Variants in USP9X observed in about 807,000 individuals in gnomAD.
USP9X encodes ubiquitin carboxyl-terminal hydrolase 9X.
In USP9X, 7 loss-of-function variants were observed where a neutral mutation model predicts 190.3. The observed-to-expected ratio is 0.04, with a 90% confidence interval of 0.02 to 0.07. USP9X has a LOEUF of 0.07. USP9X is among the 10% of genes least tolerant of loss of function. The pLI, the probability that USP9X is intolerant of heterozygous loss-of-function variation, is 1.00. For missense variants in USP9X, 1,010 were observed against 1,916.9 expected, an observed-to-expected ratio of 0.53 and a Z score of 8.83; for synonymous variants, 645 against 659.5, an observed-to-expected ratio of 0.98 and a Z score of 0.34.
intron 14 of USP9X, among the ~76,000 whole-genome samples, chrX:41,161,664 G>A (rs1164682517): frequency 2.5e-5 from 1 of 39,694 alleles, no homozygotes; most frequent in African/African-American, 1.4e-4. Context: ...TTTTTAAAGA[G>A]ACAAGGTCTT....
At position 41,198,644 on chromosome X, in the gene USP9X, T is replaced by A; in HGVS notation, c.4497T>A (p.Asn1499Lys). The change falls in exon 30 of 45, where the codon AAT (asparagine) becomes AAA (lysine). Residue 1499 changes from asparagine to lysine, a missense_variant. Asn to Lys is a moderately conservative substitution (Grantham distance 94, BLOSUM62 0). Transcript: ENST00000378308. ...IPVCGSPPTI[N>K]AGFELLVALA... ...TCTGTGGTTCACCACCTACAATTAATGCTGGTTTTGAATTACTTGTAGCAT... is the reference window on the plus strand; with the variant it reads ...TCTGTGGTTCACCACCTACAATTAAAGCTGGTTTTGAATTACTTGTAGCAT... The A allele has an allele frequency of 8.3e-7, 1 of 1,212,000 alleles. No individual in the cohort carries two copies. The highest frequency in any genetic ancestry group is 1.8e-5 in the South Asian group (1 of 57,017).
At chrX:41,119,309 C>T (rs1480175695) in intron 1 of USP9X, among the ~76,000 whole-genome samples, 1 of 110,806 alleles carries the variant, frequency 9.0e-6, no homozygotes, top group Non-Finnish European at 1.9e-5. Context: ...CCCAGGATCT[C>T]GTGACCAGCC....
intron 30 of USP9X, among the ~76,000 whole-genome samples, chrX:41,200,437 G>C (rs1382034110): frequency 1.8e-5 from 2 of 111,842 alleles, no homozygotes; most frequent in Non-Finnish European, 3.8e-5. Flanking sequence ...GAGGGAGATA[G>C]GAAGATGTAC....
At chrX:41,147,512 G>A (rs1180740779) in intron 11 of USP9X, among the ~76,000 whole-genome samples, 1 of 95,779 alleles carries the variant, frequency 1.0e-5, no homozygotes, top group Admixed American at 1.2e-4. Flanking sequence ...GGAGTGCAGT[G>A]GCGCGATCCC....
At chrX:41,134,163 A>T (rs1352473919) in intron 4 of USP9X, among the ~76,000 whole-genome samples, 1 of 112,252 alleles carries the variant, frequency 8.9e-6, no homozygotes, top group Non-Finnish European at 1.9e-5. Context: ...TTGTACTATC[A>T]ATCAAATAAT....
chrX:41,235,939 C>T lies in USP9X; in HGVS notation c.*3415C>T, dbSNP rs1041934942. ...TTCAGATGACTACTTCGAAGTAATT[C>T]AGTTTTTTTATTAGTATTTTTCCAG... On this transcript the variant is annotated 3_prime_UTR_variant, in exon 45 of 45. Transcript: ENST00000378308. 9.0e-6 allele frequency: 1 copy of T among 111,604 alleles called. No homozygotes were observed. The highest frequency in any genetic ancestry group is 1.9e-5 in the Non-Finnish European group (1 of 53,043). 9.2% of individuals were successfully genotyped at this position (111,604 alleles called of 1,213,427 possible).
Position 41,232,574 on chromosome X carries a change from A to G in USP9X, c.*50A>G. On this transcript the variant is annotated 3_prime_UTR_variant, in exon 45 of 45. Transcript: ENST00000378308. ...TCAAGACTGTGCACCCAGGCCTTACAGTCCAACCTTTTTCTGTGTCTGGCT... is the reference window on the plus strand; with the variant it reads ...TCAAGACTGTGCACCCAGGCCTTACGGTCCAACCTTTTTCTGTGTCTGGCT... 1 of 1,153,224 alleles carries G rather than the reference A, an allele frequency of 8.7e-7. No individual in the cohort carries two copies. Among genetic ancestry groups the G allele is most frequent in the South Asian group, 2.1e-5 (1 of 47,131 alleles).
chrX:41,229,143 T>G, intron 41 of USP9X, 110 bp from the exon 42 acceptor site: 1 of 519,986 alleles, frequency 1.9e-6, no homozygotes, highest in Non-Finnish European at 3.0e-6. Context: ...TATTGTCTAA[T>G]GTTAGATTAA....
intron 23 of USP9X, among the ~76,000 whole-genome samples, chrX:41,185,093 T>A (rs1385362105): frequency 8.9e-6 from 1 of 112,332 alleles, no homozygotes; most frequent in Non-Finnish European, 1.9e-5. Context: ...GCATTCTTGA[T>A]CCATGTCACA....
At chrX:41,200,920 CAG>C in intron 30 of USP9X, 138 bp from the exon 31 acceptor site, 1 of 585,958 alleles carries the variant, frequency 1.7e-6, no homozygotes. Context: ...AGTGCAAACT[CAG>C]AACACTGCTT....
chrX:41,196,133 C>T (rs1488749556), intron 26 of USP9X, 118 bp from the exon 27 acceptor site: 2 of 802,727 alleles, frequency 2.5e-6, no homozygotes, highest in Non-Finnish European at 3.6e-6. Context: ...TGTATCCTTA[C>T]TATTAATTTA....
intron 14 of USP9X, among the ~76,000 whole-genome samples, chrX:41,153,827 T>TA (rs2062551949): frequency 8.9e-6 from 1 of 112,058 alleles, no homozygotes; most frequent in African/African-American, 3.2e-5. Flanking sequence ...TGTAAGAAAA[T>TA]ACTGTATTAC....
intron 14 of USP9X, among the ~76,000 whole-genome samples, chrX:41,160,567 A>G (rs1290825721): frequency 3.6e-5 from 4 of 111,514 alleles, no homozygotes; most frequent in African/African-American, 9.8e-5. Flanking sequence ...GTTTAACAAA[A>G]TAGTTACATA....
At chrX:41,210,885 C>G (rs189592878) in intron 33 of USP9X, among the ~76,000 whole-genome samples, 1 of 111,762 alleles carries the variant, frequency 8.9e-6, no homozygotes, top group East Asian at 2.8e-4. Flanking sequence ...GTTCCTTCTA[C>G]TCTGCCTGAT....
intron 32 of USP9X, among the ~76,000 whole-genome samples, chrX:41,205,811 G>A (rs914985648): frequency 5.5e-5 from 6 of 109,099 alleles, no homozygotes; most frequent in Non-Finnish European, 1.1e-4. Flanking sequence ...AACTTCAGTA[G>A]TAGTCAACTT....
chrX:41,169,127 C>G (rs56223990), intron 18 of USP9X, among the ~76,000 whole-genome samples: 1 of 109,867 alleles, frequency 9.1e-6, no homozygotes, highest in African/African-American at 3.3e-5. Flanking sequence ...AAGGTAAACT[C>G]TACCTTCTTT....
At chrX:41,215,826 TTTGC>T (rs757338796) in intron 34 of USP9X, 69 bp from the exon 35 acceptor site, 10 of 1,058,933 alleles carry the variant, frequency 9.4e-6, no homozygotes, top group South Asian at 2.3e-5. Flanking sequence ...CATTTAAAAG[TTTGC>T]TTGGGGTTTT....
intron 14 of USP9X, 136 bp downstream of exon 14, chrX:41,153,217 C>G (rs1369513097): frequency 1.7e-6 from 1 of 604,520 alleles, no homozygotes; most frequent in African/African-American, 2.8e-5. Flanking sequence ...ACATCCTAAA[C>G]TCTAGGCCAG....
chrX:41,198,954 A>G (rs1204060820), intron 30 of USP9X, among the ~76,000 whole-genome samples: 7 of 112,081 alleles, frequency 6.2e-5, no homozygotes, highest in African/African-American at 2.3e-4. Flanking sequence ...TGGGAGGCCA[A>G]GGTGGGTGGA....
Sources: allele counts gnomAD v4.1 joint callset (sites outside exome capture counted in the v4.1 genomes callset), GRCh38; gene constraint gnomAD v4.1.1; transcripts MANE v1.5; gene names NCBI Gene and HGNC (gene_info 2026-07-23, HGNC 2026-07-21).